Variants in HLCS observed in about 807,000 individuals in gnomAD.
HLCS encodes the protein holocarboxylase synthetase.
HLCS carries 53 observed loss-of-function variants against 75.0 expected under a neutral mutation model. The observed-to-expected ratio is 0.71, with a 90% CI of 0.57 to 0.89. The LOEUF (loss-of-function observed/expected upper bound fraction) is 0.89. HLCS is among the 40% of genes least tolerant of loss of function. The pLI is 0.00. For synonymous variants in HLCS, 431 were observed against 428.6 expected, an observed-to-expected ratio of 1.01 and a Z score of -0.07; for missense variants, 966 against 1,074.0, an observed-to-expected ratio of 0.90 and a Z score of 1.41.
At chr21:36,922,625 A>G (rs1448303615) in intron 5 of HLCS, among the ~76,000 whole-genome samples, 2 of 152,204 alleles carry the variant, frequency 1.3e-5, no homozygotes, top group Admixed American at 6.5e-5. Flanking sequence ...ACCTTGGCTG[A>G]GTCTTCCTGC....
At chr21:36,894,321 C>T (rs946379324) in intron 6 of HLCS, among the ~76,000 whole-genome samples, 3 of 152,280 alleles carry the variant, frequency 2.0e-5, no homozygotes, top group South Asian at 2.1e-4. Flanking sequence ...AATGCGAGAA[C>T]GAACTGATAC....
rs79527513 is a variant in HLCS at position 36,894,363 on chromosome 21, T to C, written c.1892+2497A>G. Among the ~76,000 whole-genome samples, 5 of 152,322 alleles carry C rather than the reference T, an allele frequency of 3.3e-5. No homozygotes were observed. In the East Asian group the frequency reaches 9.6e-4, roughly 29 times the overall value. On this transcript the variant is annotated intron_variant, in intron 6 of 10. Coordinates refer to ENST00000674895, the MANE Select transcript of HLCS (RefSeq NM_001352514.2). ...GTAGGATCAAATATAGTTTTAGAAATATTTTAGTCTTATTCTTAGAATGTA... is the reference window on the plus strand; with the variant it reads ...GTAGGATCAAATATAGTTTTAGAAACATTTTAGTCTTATTCTTAGAATGTA...
chr21:36,840,673 C>T (rs1312239553), intron 6 of HLCS, among the ~76,000 whole-genome samples: 14 of 152,058 alleles, frequency 9.2e-5, no homozygotes, highest in Non-Finnish European at 1.5e-4. Flanking sequence ...AGTGCAATGG[C>T]GTGATCTTGG....
intron 5 of HLCS, among the ~76,000 whole-genome samples, chr21:36,915,029 C>T (rs914113702): frequency 7.9e-5 from 12 of 152,246 alleles, no homozygotes; most frequent in Non-Finnish European, 1.6e-4. Context: ...TGCACACCAA[C>T]GTGACCATTC....
intron 6 of HLCS, among the ~76,000 whole-genome samples, chr21:36,856,173 A>G (rs1156932267): frequency 6.6e-6 from 1 of 152,240 alleles, no homozygotes; most frequent in African/African-American, 2.4e-5. Context: ...AAGTGAGAAT[A>G]TAATTTTAAA....
rs998278520 is a variant in HLCS, at chr21:36,750,486, A to G, written c.*3760T>C. On this transcript the variant is annotated 3_prime_UTR_variant, in exon 11 of 11. Coordinates refer to ENST00000674895, the MANE Select transcript of HLCS (RefSeq NM_001352514.2). ...TGTATTTTCCGCCTCCCTTGCCCCC[A>G]CTCCTTTTATCCTTTTAAAAGTCCT... 1.3e-5 allele frequency among the ~76,000 whole-genome samples: 2 copies of G among 151,692 alleles called. No homozygotes were observed. Among genetic ancestry groups the G allele is most frequent in the African/African-American group, 2.4e-5 (1 of 41,254 alleles).
chr21:36,869,098 AT>A (rs372839777), intron 6 of HLCS, among the ~76,000 whole-genome samples: 44,314 of 91,744 alleles, frequency 0.48, 7,737 homozygotes, highest in African/African-American at 0.65. Context: ...AAGATGTTTA[AT>A]TTATTTATTT....
chr21:36,974,567 A>G (rs963275965), intron 1 of HLCS: 1 of 152,242 alleles, frequency 6.6e-6, no homozygotes, highest in African/African-American at 2.4e-5. Flanking sequence ...GTACTTTAAA[A>G]TAGTCATTAA....
intron 6 of HLCS, among the ~76,000 whole-genome samples, chr21:36,793,320 G>T (rs2060928933): frequency 1.2e-5 from 1 of 85,174 alleles, no homozygotes; most frequent in Non-Finnish European, 2.7e-5. Context: ...TTTTGAGATA[G>T]AGTCTCGCTC....
chr21:36,883,753 CTA>C (rs1430780825), intron 6 of HLCS, among the ~76,000 whole-genome samples: 1 of 152,186 alleles, frequency 6.6e-6, no homozygotes, highest in African/African-American at 2.4e-5. Flanking sequence ...GTGTCAGAGA[CTA>C]TGCAATGGGC....
At chr21:36,885,702 G>C (rs1327646141) in intron 6 of HLCS, among the ~76,000 whole-genome samples, 1 of 151,988 alleles carries the variant, frequency 6.6e-6, no homozygotes, top group Non-Finnish European at 1.5e-5. Flanking sequence ...ATATTATCTC[G>C]GCGCATCCTC....
At chr21:36,905,901 T>G (rs1464176898) in intron 5 of HLCS, among the ~76,000 whole-genome samples, 1 of 151,752 alleles carries the variant, frequency 6.6e-6, no homozygotes, top group Non-Finnish European at 1.5e-5. Context: ...AAATACAAAA[T>G]TAGCCGGGTG....
At chr21:36,888,439 AAAAAAAATATATATATATATATAT>A (rs1442993737) in intron 6 of HLCS, among the ~76,000 whole-genome samples, 2 of 32,212 alleles carry the variant, frequency 6.2e-5, no homozygotes, top group Non-Finnish European at 1.2e-4. Flanking sequence ...ATTTAAAAAA[AAAAAAAATATATATATATATATAT>A]ATATATATAT....
At chr21:36,896,609 G>T in intron 6 of HLCS, 1 of 541,300 alleles carries the variant, frequency 1.8e-6, no homozygotes, top group South Asian at 2.2e-5. Flanking sequence ...CATTCTGAGG[G>T]CCTGATTCAA....
chr21:36,795,693 G>A (rs1177075726), intron 6 of HLCS, among the ~76,000 whole-genome samples: 4 of 152,212 alleles, frequency 2.6e-5, no homozygotes, highest in South Asian at 2.1e-4. Context: ...GAGACATCCT[G>A]CCTTAGGGAG....
upstream of HLCS, among the ~76,000 whole-genome samples, chr21:36,969,977 C>A (rs1292458435): frequency 6.6e-6 from 1 of 152,204 alleles, no homozygotes; most frequent in Non-Finnish European, 1.5e-5. Context: ...AACCCATCAA[C>A]ATGACCGGCT....
At chr21:36,783,788 A>AGCATGTGTGCACATGCACACACACAC (rs1380204185) in intron 6 of HLCS, among the ~76,000 whole-genome samples, 19 of 150,674 alleles carry the variant, frequency 1.3e-4, no homozygotes, top group Non-Finnish European at 2.2e-4. Context: ...CACACACACA[A>AGCATGTGTGCACATGCACACACACAC]GCATGTGTGC....
chr21:36,912,811 G>A (rs1433959658), intron 5 of HLCS, among the ~76,000 whole-genome samples: 2 of 152,196 alleles, frequency 1.3e-5, no homozygotes, highest in African/African-American at 2.4e-5. Context: ...GGAGCAAAGG[G>A]ACAGCTTGCA....
chr21:36,898,938 G>C (rs953618571), intron 5 of HLCS, among the ~76,000 whole-genome samples: 2 of 151,768 alleles, frequency 1.3e-5, no homozygotes, highest in African/African-American at 4.8e-5. Flanking sequence ...GCGTGCAACT[G>C]TAGTCCCAGA....
Sources: allele counts gnomAD v4.1 joint callset (sites outside exome capture counted in the v4.1 genomes callset), GRCh38; gene constraint gnomAD v4.1.1; transcripts MANE v1.5; gene names NCBI Gene and HGNC (gene_info 2026-07-23, HGNC 2026-07-21).